CFAP58: variants seen among roughly 807,000 people sequenced by gnomAD.
CFAP58 encodes the protein cilia- and flagella-associated protein 58.
A neutral mutation model predicts 119.5 loss-of-function variants in CFAP58; 88 were observed. The observed-to-expected ratio is 0.74, with a 90% confidence interval of 0.62 to 0.88. CFAP58 has a LOEUF of 0.88. Among genes scored for constraint, CFAP58 ranks in the 40% least tolerant of loss-of-function variants. The pLI is 0.00. For missense variants in CFAP58, 990 were observed against 1,021.2 expected (o/e 0.97, Z 0.42); for synonymous variants, 365 against 366.3 (o/e 1.00, Z 0.04).
At chr10:104,451,669 G>A (rs1236133061) in intron 17 of CFAP58, among the ~76,000 whole-genome samples, 1 of 152,186 alleles carries the variant, frequency 6.6e-6, no homozygotes, top group East Asian at 1.9e-4. Flanking sequence ...TGTCAACATG[G>A]TTAATTTCCA....
At chr10:104,390,301 A>T (rs1198149603) in intron 9 of CFAP58, among the ~76,000 whole-genome samples, 1 of 152,216 alleles carries the variant, frequency 6.6e-6, no homozygotes, top group Non-Finnish European at 1.5e-5. Context: ...ACCTTTAAAG[A>T]GAATGAATTA....
intron 11 of CFAP58, 61 bp from the exon 12 acceptor site, chr10:104,399,299 T>C: frequency 6.3e-7 from 1 of 1,578,004 alleles, no homozygotes; most frequent in Non-Finnish European, 8.6e-7. Context: ...ATCCGGGCCC[T>C]GTCGTCCTGG....
At chr10:104,364,947 C>CA (rs2135254170) in intron 4 of CFAP58, 58 bp downstream of exon 4, 1 of 1,554,510 alleles carries the variant, frequency 6.4e-7, no homozygotes, top group African/African-American at 1.4e-5. Flanking sequence ...TTTGTCCCTC[C>CA]ACAGTCTCTA....
At chr10:104,389,962 C>T (rs1169875630) in intron 9 of CFAP58, among the ~76,000 whole-genome samples, 1 of 152,082 alleles carries the variant, frequency 6.6e-6, no homozygotes, top group Non-Finnish European at 1.5e-5. Flanking sequence ...CCAGTATGAA[C>T]AAGGAGGGTT....
chr10:104,338,907 G>GTT, the CFAP58 span, among the ~76,000 whole-genome samples: 3,610 of 140,526 alleles, frequency 0.026, 128 homozygotes, highest in East Asian at 0.098. Context: ...GCTTACTACC[G>GTT]TTTTTTTTTT....
At chr10:104,400,644 C>T (rs369489458) in intron 12 of CFAP58, 36 bp from the exon 13 acceptor site, 1 of 1,559,646 alleles carries the variant, frequency 6.4e-7, no homozygotes, top group South Asian at 1.1e-5. Context: ...AAGGCTCCTC[C>T]TTCCCTGGTG....
intron 9 of CFAP58, chr10:104,382,389 T>G: frequency 3.8e-6 from 2 of 523,480 alleles, no homozygotes; most frequent in Non-Finnish European, 6.9e-6. Flanking sequence ...TTCTTCTTCC[T>G]GATAAGCAAT....
In CFAP58 at chr10:104,370,407, G is replaced by C. The variant is rs1460891755; in HGVS notation, c.931-488G>C. 3.9e-5 allele frequency among the ~76,000 whole-genome samples: 6 copies of C among 152,326 alleles called. No individual in the cohort carries two copies. In the South Asian group the frequency reaches 8.3e-4, roughly 21 times the overall value. The stretch of plus-strand genomic sequence containing the variant: ...CCTCACAATCATGGTGGAAGGCAAG[G>C]AGGAACAAATCACATCTTATGTGGA... On this transcript the variant is annotated intron_variant, in intron 6 of 17. Transcript: ENST00000369704.
At chr10:104,390,302 G>T (rs538812055) in intron 9 of CFAP58, among the ~76,000 whole-genome samples, 2 of 152,248 alleles carry the variant, frequency 1.3e-5, no homozygotes, top group Non-Finnish European at 2.9e-5. Context: ...CCTTTAAAGA[G>T]AATGAATTAG....
intron 13 of CFAP58, among the ~76,000 whole-genome samples, chr10:104,401,369 C>T (rs556389050): frequency 6.9e-4 from 105 of 152,306 alleles, no homozygotes; most frequent in African/African-American, 2.4e-3. Context: ...TTTACCACTA[C>T]TTGAAAACTT....
chr10:104,360,668 A>G (rs530991193), intron 2 of CFAP58, among the ~76,000 whole-genome samples: 8 of 152,062 alleles, frequency 5.3e-5, no homozygotes, highest in African/African-American at 1.7e-4. Context: ...AGTGTGTGTT[A>G]TTCCCCTCTA....
chr10:104,370,003 C>G (rs2014801556), intron 6 of CFAP58, among the ~76,000 whole-genome samples: 1 of 152,164 alleles, frequency 6.6e-6, no homozygotes, highest in Admixed American at 6.6e-5. Context: ...CCTATTCATA[C>G]TATGAAATAT....
At chr10:104,388,378 A>G (rs546941680) in intron 9 of CFAP58, among the ~76,000 whole-genome samples, 3 of 152,338 alleles carry the variant, frequency 2.0e-5, no homozygotes, top group Admixed American at 6.5e-5. Context: ...TTAAATCCTC[A>G]TAATAGCCCT....
chr10:104,453,288 G>T (rs1349322448), intron 17 of CFAP58, among the ~76,000 whole-genome samples: 1 of 152,142 alleles, frequency 6.6e-6, no homozygotes, highest in Non-Finnish European at 1.5e-5. Context: ...ATGGAGAATG[G>T]TTTTTCACCA....
At chr10:104,377,889 A>G (rs2011703785) in intron 8 of CFAP58, among the ~76,000 whole-genome samples, 1 of 152,194 alleles carries the variant, frequency 6.6e-6, no homozygotes, top group African/African-American at 2.4e-5. Flanking sequence ...CAATCTTGGA[A>G]ATTGCTTTTT....
intron 7 of CFAP58, among the ~76,000 whole-genome samples, chr10:104,372,494 A>T (rs996161402): frequency 6.6e-6 from 1 of 152,218 alleles, no homozygotes; most frequent in Non-Finnish European, 1.5e-5. Context: ...TTCTCTGTTC[A>T]TGCATTCAGT....
intron 9 of CFAP58, 63 bp from the exon 10 acceptor site, chr10:104,392,170 G>T: frequency 6.8e-7 from 1 of 1,462,592 alleles, no homozygotes; most frequent in East Asian, 2.3e-5. Context: ...AACTCCATTT[G>T]TCCTGAACCA....
intron 9 of CFAP58, chr10:104,382,232 T>C: frequency 1.4e-6 from 1 of 716,580 alleles, no homozygotes; most frequent in Non-Finnish European, 2.6e-6. Flanking sequence ...GCACAGATCC[T>C]ACCCACTCAT....
the CFAP58 span, among the ~76,000 whole-genome samples, chr10:104,341,590 A>G: frequency 1.3e-5 from 2 of 151,850 alleles, no homozygotes; most frequent in African/African-American, 2.4e-5. Context: ...AGTTGGTAAT[A>G]TATCAGTCAA....
Sources: allele counts gnomAD v4.1 joint callset (sites outside exome capture counted in the v4.1 genomes callset), GRCh38; gene constraint gnomAD v4.1.1; transcripts MANE v1.5; gene names NCBI Gene and HGNC (gene_info 2026-07-23, HGNC 2026-07-21).